Variants in GABRB2 observed in about 807,000 individuals in gnomAD.
GABRB2 encodes gamma-aminobutyric acid receptor subunit beta-2.
In GABRB2, 16 loss-of-function variants were observed where a neutral mutation model predicts 54.7. The ratio of observed to expected loss-of-function variants is 0.29; its 90% CI spans 0.20 to 0.44. The LOEUF (loss-of-function observed/expected upper bound fraction) is 0.44. Among genes scored for constraint, GABRB2 ranks in the 20% least tolerant of loss-of-function variants. GABRB2 has a pLI of 1.00. For synonymous variants in GABRB2, 244 were observed against 233.8 expected (o/e 1.04, Z -0.40); for missense variants, 355 against 644.0 (o/e 0.55, Z 4.86).
chr5:161,350,824 C>T (rs971485307), intron 5 of GABRB2, among the ~76,000 whole-genome samples: 20 of 152,104 alleles, frequency 1.3e-4, no homozygotes, highest in Non-Finnish European at 4.4e-5. Context: ...TGCCCTCGAA[C>T]ATCAGACTCC....
chr5:161,315,364 T>C (rs1231606837), intron 9 of GABRB2, among the ~76,000 whole-genome samples: 2 of 152,218 alleles, frequency 1.3e-5, no homozygotes, highest in Non-Finnish European at 2.9e-5. Context: ...AGAAACTGAC[T>C]GCATTAATAA....
chr5:161,470,840 C>T (rs1038373311), intron 3 of GABRB2, among the ~76,000 whole-genome samples: 3 of 151,908 alleles, frequency 2.0e-5, no homozygotes, highest in African/African-American at 4.8e-5. Context: ...ACTATGCTCC[C>T]GAAGTCAGAA....
intron 5 of GABRB2, among the ~76,000 whole-genome samples, chr5:161,392,048 C>T (rs1409001226): frequency 6.6e-6 from 1 of 152,144 alleles, no homozygotes; most frequent in Non-Finnish European, 1.5e-5. Context: ...TGTGGGGTCC[C>T]TTGCTCATAA....
At chr5:161,400,463 G>A (rs1052165601) in intron 5 of GABRB2, among the ~76,000 whole-genome samples, 1 of 152,050 alleles carries the variant, frequency 6.6e-6, no homozygotes. Context: ...TTTGCCCACA[G>A]AGAGATTTAT....
intron 3 of GABRB2, among the ~76,000 whole-genome samples, chr5:161,525,379 AAAAT>A (rs1225328763): frequency 1.3e-5 from 2 of 151,404 alleles, no homozygotes; most frequent in African/African-American, 4.8e-5. Flanking sequence ...TTTAGATTGG[AAAAT>A]AAATATATAG....
intron 3 of GABRB2, among the ~76,000 whole-genome samples, chr5:161,495,629 G>T (rs1025934609): frequency 2.6e-5 from 4 of 151,974 alleles, no homozygotes; most frequent in Admixed American, 6.6e-5. Flanking sequence ...GGCATTCAAG[G>T]CTCAATAATT....
chr5:161,423,570 A>G (rs529303361), intron 4 of GABRB2, among the ~76,000 whole-genome samples: 11 of 152,304 alleles, frequency 7.2e-5, no homozygotes, highest in African/African-American at 2.6e-4. Flanking sequence ...GGAGCCACGA[A>G]GCATGTCCAT....
intron 8 of GABRB2, chr5:161,330,281 G>A (rs1407537699): frequency 1.3e-5 from 2 of 152,224 alleles, no homozygotes; most frequent in African/African-American, 4.8e-5. Flanking sequence ...GCAAGGCATT[G>A]TCATTTAAAG....
intron 4 of GABRB2, among the ~76,000 whole-genome samples, chr5:161,427,054 A>G (rs1342951720): frequency 6.6e-6 from 1 of 152,118 alleles, no homozygotes; most frequent in Non-Finnish European, 1.5e-5. Context: ...TTTCCTATCT[A>G]TGTCTTCTGT....
At chr5:161,453,205 C>T (rs1361000190) in intron 4 of GABRB2, among the ~76,000 whole-genome samples, 1 of 152,184 alleles carries the variant, frequency 6.6e-6, no homozygotes, top group Non-Finnish European at 1.5e-5. Context: ...AGAAAACATT[C>T]TTCCCCATAT....
At chr5:161,527,670 T>A (rs530166141) in intron 3 of GABRB2, among the ~76,000 whole-genome samples, 1 of 151,336 alleles carries the variant, frequency 6.6e-6, no homozygotes, top group African/African-American at 2.4e-5. Flanking sequence ...ATAAATGACA[T>A]AAAAAGGCAA....
At chr5:161,448,380 AC>A (rs1185545997) in intron 4 of GABRB2, among the ~76,000 whole-genome samples, 2 of 152,112 alleles carry the variant, frequency 1.3e-5, no homozygotes, top group African/African-American at 4.8e-5. Context: ...CTATGAGAAC[AC>A]CAGACTGGGA....
chr5:161,542,026 TG>T (rs1372358151), intron 3 of GABRB2, among the ~76,000 whole-genome samples: 1 of 152,162 alleles, frequency 6.6e-6, no homozygotes, highest in Non-Finnish European at 1.5e-5. Flanking sequence ...ATTTCCATAT[TG>T]TTGTGTCTCA....
At chr5:161,355,743 A>T (rs1754604185) in intron 5 of GABRB2, among the ~76,000 whole-genome samples, 1 of 152,122 alleles carries the variant, frequency 6.6e-6, no homozygotes, top group Admixed American at 6.6e-5. Context: ...CATGTCAAAC[A>T]TATATACACA....
chr5:161,469,656 A>T (rs1043556339), intron 3 of GABRB2, among the ~76,000 whole-genome samples: 1 of 146,558 alleles, frequency 6.8e-6, no homozygotes, highest in African/African-American at 2.6e-5. Context: ...TACTCAGAGG[A>T]GATGGAAACA....
At chr5:161,450,169 T>C (rs946611067) in intron 4 of GABRB2, among the ~76,000 whole-genome samples, 12 of 152,208 alleles carry the variant, frequency 7.9e-5, no homozygotes, top group Middle Eastern at 6.8e-3. Flanking sequence ...TCTCCAGCCA[T>C]TCCTCTTTCC....
intron 4 of GABRB2, among the ~76,000 whole-genome samples, chr5:161,442,383 G>C (rs893583722): frequency 2.6e-5 from 4 of 152,196 alleles, no homozygotes; most frequent in Non-Finnish European, 4.4e-5. Context: ...GGGGAAATTA[G>C]TGATGATGAG....
At chr5:161,474,340 A>T (rs1212943017) in intron 3 of GABRB2, among the ~76,000 whole-genome samples, 1 of 151,906 alleles carries the variant, frequency 6.6e-6, no homozygotes, top group African/African-American at 2.4e-5. Flanking sequence ...TTCCCTCAGA[A>T]ATTGACTCAT....
At position 161,459,701 on chromosome 5, in the gene GABRB2, C is replaced by T. The variant is rs1428471791; in HGVS notation, c.381G>A (p.Lys127=). Residue 127 remains lysine (K), a synonymous_variant, in exon 4 of 10, where the codon AAG becomes AAA. Coordinates refer to ENST00000393959, the MANE Select transcript of GABRB2 (RefSeq NM_001371727.1). ...VPDTYFLNDK[K]SFVHGVTVKN... ...TAACAGTCACTCCGTGCACAAATGA[C>T]TTCTTATCGTTCAGGAAATAGGTAT... is the stretch of plus-strand genomic sequence containing the variant. 6.2e-7 allele frequency: 1 copy of T among 1,614,164 alleles called. No individual in the cohort carries two copies. The highest frequency in any genetic ancestry group is 1.7e-5 in the Admixed American group (1 of 60,020).
Sources: allele counts gnomAD v4.1 joint callset (sites outside exome capture counted in the v4.1 genomes callset), GRCh38; gene constraint gnomAD v4.1.1; transcripts MANE v1.5; gene names NCBI Gene and HGNC (gene_info 2026-07-23, HGNC 2026-07-21).